HEATR5A: variants seen among roughly 807,000 people sequenced by gnomAD.
HEATR5A encodes the protein HEAT repeat containing 5A.
A neutral mutation model predicts 218.8 loss-of-function variants in HEATR5A; 178 were observed. The ratio of observed to expected loss-of-function variants is 0.81; its 90% CI spans 0.72 to 0.92. HEATR5A has a LOEUF of 0.92. HEATR5A is among the 40% of genes least tolerant of loss of function. The pLI is 0.00. For missense variants in HEATR5A, 2,420 were observed against 2,418.9 expected, an observed-to-expected ratio of 1.00 and a Z score of -0.01; for synonymous variants, 864 against 871.6, an observed-to-expected ratio of 0.99 and a Z score of 0.15.
At position 31,326,718 on chromosome 14, in the gene HEATR5A, C is replaced by A. The variant is rs541966386; in HGVS notation, c.3368-376G>T. On this transcript the variant is annotated intron_variant, in intron 22 of 35. Coordinates refer to ENST00000543095, the MANE Select transcript of HEATR5A (RefSeq NM_015473.4). ...AGTGCAATGGCACGATCTTGGCTCA[C>A]TGCAACCTCCGCCTCCCAGGTTCAA... 8.5e-5 allele frequency among the ~76,000 whole-genome samples: 13 copies of A among 152,306 alleles called. No individual in the cohort carries two copies. The South Asian group carries it at 2.7e-3, about 32-fold the overall frequency.
intron 4 of HEATR5A, among the ~76,000 whole-genome samples, chr14:31,397,127 G>A (rs2030685165): frequency 1.3e-5 from 2 of 152,092 alleles, no homozygotes; most frequent in African/African-American, 4.8e-5. Context: ...TTACGTTAGA[G>A]TCTTCACTTC....
intron 1 of HEATR5A, among the ~76,000 whole-genome samples, chr14:31,403,428 T>C (rs903128373): frequency 6.6e-6 from 1 of 152,220 alleles, no homozygotes; most frequent in Admixed American, 6.5e-5. Flanking sequence ...ACACCAAACA[T>C]CCAGACCTTC....
At chr14:31,363,144 C>G (rs1330835700) in intron 14 of HEATR5A, among the ~76,000 whole-genome samples, 1 of 150,810 alleles carries the variant, frequency 6.6e-6, no homozygotes, top group African/African-American at 2.4e-5. Flanking sequence ...GAGGCTGAGG[C>G]AGGAGAATCG....
chr14:31,355,165 G>C (rs1901377142), intron 16 of HEATR5A, among the ~76,000 whole-genome samples: 2 of 149,976 alleles, frequency 1.3e-5, no homozygotes, highest in South Asian at 4.3e-4. Flanking sequence ...TGTAATCCCA[G>C]GACTTTGGGA....
chr14:31,381,317 A>T (rs1307262005), intron 10 of HEATR5A, among the ~76,000 whole-genome samples: 1 of 152,084 alleles, frequency 6.6e-6, no homozygotes, highest in African/African-American at 2.4e-5. Flanking sequence ...AAGAGGTAGT[A>T]TACTATAGTG....
At chr14:31,364,323 C>A in intron 13 of HEATR5A, 25 bp from the exon 14 acceptor site, 1 of 1,197,396 alleles carries the variant, frequency 8.4e-7, no homozygotes, top group South Asian at 1.4e-5. Context: ...AAAAGTGTAT[C>A]TTAAGTGGTT....
chr14:31,305,512 C>A (rs1362682711), intron 31 of HEATR5A, among the ~76,000 whole-genome samples: 1 of 152,144 alleles, frequency 6.6e-6, no homozygotes, highest in African/African-American at 2.4e-5. Context: ...ATCCGCCTGC[C>A]CCGGCCTCCC....
At chr14:31,362,957 C>T (rs1311087552) in intron 14 of HEATR5A, among the ~76,000 whole-genome samples, 3 of 151,986 alleles carry the variant, frequency 2.0e-5, no homozygotes, top group South Asian at 4.1e-4. Context: ...GGTGAATCAC[C>T]TGAGGTCAGG....
chr14:31,298,872 T>G (rs1392874358), intron 33 of HEATR5A, among the ~76,000 whole-genome samples: 1 of 152,176 alleles, frequency 6.6e-6, no homozygotes, highest in African/African-American at 2.4e-5. Flanking sequence ...CTTCTTCCTG[T>G]GAAGAGAAGC....
intron 3 of HEATR5A, 21 bp downstream of exon 3, chr14:31,400,280 C>T: frequency 6.8e-7 from 1 of 1,467,322 alleles, no homozygotes; most frequent in Non-Finnish European, 9.2e-7. Context: ...GTTTTCTGTT[C>T]TGTTTTAATG....
At chr14:31,342,062 T>C (rs1900858486) in intron 21 of HEATR5A, among the ~76,000 whole-genome samples, 1 of 152,122 alleles carries the variant, frequency 6.6e-6, no homozygotes, top group Non-Finnish European at 1.5e-5. Context: ...AACAAAAGTT[T>C]CTATCAGAAA....
intron 21 of HEATR5A, among the ~76,000 whole-genome samples, chr14:31,341,978 T>C (rs536133624): frequency 1.2e-4 from 18 of 152,196 alleles, no homozygotes; most frequent in Non-Finnish European, 2.2e-4. Flanking sequence ...CCCTGAATGG[T>C]ACAGGTAAAA....
chr14:31,329,402 C>T (rs1410841809), intron 22 of HEATR5A, among the ~76,000 whole-genome samples: 1 of 152,194 alleles, frequency 6.6e-6, no homozygotes, highest in Non-Finnish European at 1.5e-5. Context: ...GGGGTACAGG[C>T]ATTGGGTAAA....
At chr14:31,362,741 G>T (rs1031847707) in intron 14 of HEATR5A, among the ~76,000 whole-genome samples, 1 of 148,864 alleles carries the variant, frequency 6.7e-6, no homozygotes, top group East Asian at 2.0e-4. Flanking sequence ...TCACACAACT[G>T]CACTCCAGCC....
chr14:31,383,700 A>G lies in HEATR5A; in HGVS notation c.1417T>C (p.Leu473=), dbSNP rs371006519. 1.3e-4 allele frequency: 214 copies of G among 1,613,914 alleles called. 2 individuals are homozygous for G. The African/African-American group carries it at 2.7e-3, about 20-fold the overall frequency. Residue 473 remains leucine, a synonymous_variant, in exon 10 of 36, where the codon TTA becomes CTA. Coordinates refer to ENST00000543095, the MANE Select transcript of HEATR5A (RefSeq NM_015473.4). ...ISVRLAAAWC[L]HCIAVALPSY... ...GGTAATGCCACGGCAATGCAGTGTA[A>G]ACACCAAGCTGCTGCTAGTCGAACA...
intron 27 of HEATR5A, among the ~76,000 whole-genome samples, 164 bp from the exon 28 acceptor site, chr14:31,313,354 T>C (rs1426249136): frequency 6.6e-6 from 1 of 152,126 alleles, no homozygotes; most frequent in Non-Finnish European, 1.5e-5. Context: ...CACAGAAAAC[T>C]GGGGTAGAAA....
Position 31,323,081 on chromosome 14 carries a change from T to C in HEATR5A, c.3787+484A>G, listed in dbSNP as rs149647958. 2.6e-3 allele frequency among the ~76,000 whole-genome samples: 389 copies of C among 152,304 alleles called. 4 individuals are homozygous for C. The highest frequency in any genetic ancestry group is 8.9e-3 in the African/African-American group (371 of 41,566). On this transcript the variant is annotated intron_variant, in intron 24 of 35. Transcript: ENST00000543095. ...GCCCAAGTTACAAACCAGGAAATAA[T>C]TTTTGAGAACTAGTAAATGTTCATA...
chr14:31,302,108 A>G (rs2139130940), intron 33 of HEATR5A, among the ~76,000 whole-genome samples, 187 bp downstream of exon 33: 1 of 152,104 alleles, frequency 6.6e-6, no homozygotes, highest in East Asian at 1.9e-4. Flanking sequence ...CTGGGCTTAC[A>G]GGTGTGAGCC....
intron 21 of HEATR5A, among the ~76,000 whole-genome samples, chr14:31,340,761 G>A (rs951656416): frequency 1.3e-5 from 2 of 151,676 alleles, no homozygotes; most frequent in African/African-American, 4.8e-5. Flanking sequence ...CTCTGATTAA[G>A]CCTCAGTATC....
Sources: allele counts gnomAD v4.1 joint callset (sites outside exome capture counted in the v4.1 genomes callset), GRCh38; gene constraint gnomAD v4.1.1; transcripts MANE v1.5; gene names NCBI Gene and HGNC (gene_info 2026-07-23, HGNC 2026-07-21).